The following SAMD3 variants were observed in gnomAD, a reference collection of about 807,000 sequenced individuals.
SAMD3 encodes the protein sterile alpha motif domain-containing protein 3.
A neutral mutation model predicts 58.5 loss-of-function variants in SAMD3; 63 were observed. That is an observed-to-expected ratio of 1.08 (90% CI 0.88 to 1.33). SAMD3 has a LOEUF of 1.33. SAMD3 is among the 40% of genes most tolerant of loss of function. The probability of loss-of-function intolerance (pLI) is 0.00; values close to 1 mark genes in which losing one functional copy is unlikely to be tolerated. For missense variants in SAMD3, 604 were observed against 608.4 expected (o/e 0.99, Z 0.08); for synonymous variants, 220 against 210.3 (o/e 1.05, Z -0.40).
At chr6:130,198,243 A>T (rs1794323343) in intron 5 of SAMD3, among the ~76,000 whole-genome samples, 1 of 152,176 alleles carries the variant, frequency 6.6e-6, no homozygotes, top group Non-Finnish European at 1.5e-5. Context: ...TCTGTCTGTT[A>T]TCCAGGCAGG....
chr6:130,289,879 C>A (rs960559280), intron 2 of SAMD3, among the ~76,000 whole-genome samples: 2 of 152,180 alleles, frequency 1.3e-5, no homozygotes, highest in African/African-American at 4.8e-5. Context: ...AAATATATAA[C>A]ATATTTGCTG....
chr6:130,238,308 T>C (rs1278192528), intron 2 of SAMD3, among the ~76,000 whole-genome samples: 4 of 152,138 alleles, frequency 2.6e-5, no homozygotes, highest in Admixed American at 1.3e-4. Context: ...CGAAAAAATA[T>C]TGTGGGAAGA....
At chr6:130,195,112 TTAAC>T (rs1293395750) in intron 5 of SAMD3, among the ~76,000 whole-genome samples, 5 of 152,100 alleles carry the variant, frequency 3.3e-5, no homozygotes, top group Non-Finnish European at 5.9e-5. Context: ...CTGAGGCACT[TTAAC>T]TAAATTATCT....
intron 8 of SAMD3, among the ~76,000 whole-genome samples, chr6:130,172,370 T>C (rs1394618079): frequency 6.6e-6 from 1 of 152,226 alleles, no homozygotes; most frequent in East Asian, 1.9e-4. Context: ...TATTTTGTGC[T>C]TCCTTAAGGA....
intron 2 of SAMD3, among the ~76,000 whole-genome samples, chr6:130,300,636 G>C (rs1325882714): frequency 3.3e-5 from 5 of 151,908 alleles, no homozygotes; most frequent in Non-Finnish European, 5.9e-5. Context: ...ACAGAATTCA[G>C]AAAAAATAAA....
At chr6:130,297,526 G>A (rs1482735433) in intron 2 of SAMD3, among the ~76,000 whole-genome samples, 1 of 152,042 alleles carries the variant, frequency 6.6e-6, no homozygotes, top group African/African-American at 2.4e-5. Context: ...TTCTAGCAAT[G>A]GATCCTAATC....
At chr6:130,169,258 G>A (rs1439657784) in intron 8 of SAMD3, among the ~76,000 whole-genome samples, 2 of 152,062 alleles carry the variant, frequency 1.3e-5, no homozygotes, top group African/African-American at 4.8e-5. Context: ...ACTTCTTAGT[G>A]TTTGTACATT....
At chr6:130,187,663 TA>T (rs374857947) in intron 5 of SAMD3, among the ~76,000 whole-genome samples, 4,696 of 152,236 alleles carry the variant, frequency 0.031, 93 homozygotes, top group South Asian at 0.057. Flanking sequence ...TGCATTGGAT[TA>T]AAAAAAGCTT....
chr6:130,146,655 T>TAA (rs1200222975), intron 9 of SAMD3, among the ~76,000 whole-genome samples: 1 of 152,110 alleles, frequency 6.6e-6, no homozygotes, highest in African/African-American at 2.4e-5. Flanking sequence ...CTTTAGAAAC[T>TAA]AAGAGTAGAC....
At chr6:130,210,961 A>C (rs1167026145) in intron 4 of SAMD3, among the ~76,000 whole-genome samples, 3 of 151,934 alleles carry the variant, frequency 2.0e-5, no homozygotes, top group African/African-American at 7.3e-5. Flanking sequence ...TCTACTAAAA[A>C]TACAAAAAAT....
intron 2 of SAMD3, among the ~76,000 whole-genome samples, chr6:130,269,007 T>G (rs1774460436): frequency 1.3e-5 from 2 of 152,192 alleles, no homozygotes; most frequent in Admixed American, 1.3e-4. Context: ...GATTATGCTT[T>G]TGATGTCAGG....
chr6:130,264,385 A>G (rs1034096580), intron 2 of SAMD3, among the ~76,000 whole-genome samples: 1 of 152,252 alleles, frequency 6.6e-6, no homozygotes, highest in African/African-American at 2.4e-5. Flanking sequence ...GATGAGTTTA[A>G]GAATTTTCAA....
At chr6:130,202,921 C>T (rs772851501) in intron 5 of SAMD3, among the ~76,000 whole-genome samples, 11 of 152,272 alleles carry the variant, frequency 7.2e-5, no homozygotes, top group Non-Finnish European at 1.2e-4. Context: ...CCTCCTCCCC[C>T]GCAGTGGTGA....
chr6:130,256,665 G>A (rs1773937040), intron 2 of SAMD3, among the ~76,000 whole-genome samples: 1 of 152,052 alleles, frequency 6.6e-6, no homozygotes, highest in Non-Finnish European at 1.5e-5. Context: ...CTCTCCCAAT[G>A]CTCATGGAAA....
intron 7 of SAMD3, among the ~76,000 whole-genome samples, chr6:130,180,201 G>A (rs1342560268): frequency 1.3e-5 from 2 of 151,010 alleles, no homozygotes; most frequent in Non-Finnish European, 2.9e-5. Context: ...GCTCACTGCT[G>A]TCTCAACCTC....
chr6:130,315,692 T>G (rs1339825048), intron 1 of SAMD3, among the ~76,000 whole-genome samples: 1 of 152,234 alleles, frequency 6.6e-6, no homozygotes, highest in Non-Finnish European at 1.5e-5. Flanking sequence ...TTTATTTGTT[T>G]TGGAAATATT....
At position 130,260,952 on chromosome 6, in the gene SAMD3, G is replaced by A. The variant is rs377530127; in HGVS notation, c.-187-38139C>T. 5.3e-5 allele frequency among the ~76,000 whole-genome samples: 8 copies of A among 152,202 alleles called. No individual in the cohort carries two copies. In the South Asian group the frequency reaches 1.5e-3, roughly 28 times the overall value. On this transcript the variant is annotated intron_variant, in intron 2 of 13. Coordinates refer to the SAMD3 transcript ENST00000368134. ...TGATGACCCACGGTGTACCTTTATC[G>A]GCACTTTGGTTTGGTTTTGGTTTTG... is the stretch of plus-strand genomic sequence containing the variant.
intron 1 of SAMD3, among the ~76,000 whole-genome samples, chr6:130,339,633 T>C (rs1197112313): frequency 6.6e-6 from 1 of 152,194 alleles, no homozygotes; most frequent in East Asian, 1.9e-4. Flanking sequence ...CCTCTTTTCT[T>C]TATAAGTTAT....
At chr6:130,168,577 A>G (rs1211529986) in intron 8 of SAMD3, among the ~76,000 whole-genome samples, 1 of 152,168 alleles carries the variant, frequency 6.6e-6, no homozygotes, top group Non-Finnish European at 1.5e-5. Context: ...CTCTTCCTCT[A>G]TTTATCCCTT....
Sources: gnomAD v4.1 joint callset for allele counts (sites outside exome capture counted in the v4.1 genomes callset) on GRCh38, gnomAD v4.1.1 for gene constraint, MANE v1.5 for transcripts, NCBI Gene and HGNC (gene_info 2026-07-23, HGNC 2026-07-21) for gene names.